Variants in SLIT3 observed in about 807,000 individuals in gnomAD.
SLIT3 encodes the protein slit homolog 3 protein.
Under a neutral mutation model 184.0 loss-of-function variants are expected in SLIT3, and 68 were observed. The ratio of observed to expected loss-of-function variants is 0.37; its 90% CI spans 0.30 to 0.45. The LOEUF is 0.45. Among genes scored for constraint, SLIT3 ranks in the 20% least tolerant of loss-of-function variants. The pLI is 1.00. For synonymous variants in SLIT3, 831 were observed against 828.6 expected (o/e 1.00, Z -0.05); for missense variants, 1,707 against 2,026.0 (o/e 0.84, Z 3.02).
intron 4 of SLIT3, among the ~76,000 whole-genome samples, chr5:169,068,144 CCT>C (rs1758420094): frequency 6.6e-6 from 1 of 152,096 alleles, no homozygotes; most frequent in Admixed American, 6.5e-5. Context: ...GCACTATTCC[CCT>C]CTCAGTTGTA....
intron 1 of SLIT3, among the ~76,000 whole-genome samples, chr5:169,279,887 G>T (rs1766938131): frequency 6.6e-6 from 1 of 152,184 alleles, no homozygotes; most frequent in Non-Finnish European, 1.5e-5. Context: ...TAAGAATTAA[G>T]AAATCACAAA....
chr5:168,831,631 A>G (rs892774854), intron 6 of SLIT3, among the ~76,000 whole-genome samples: 5 of 152,076 alleles, frequency 3.3e-5, no homozygotes, highest in Non-Finnish European at 5.9e-5. Context: ...TTGTCTCAAT[A>G]TTTGTACCCG....
intron 4 of SLIT3, among the ~76,000 whole-genome samples, chr5:169,010,509 C>A (rs1375708639): frequency 2.0e-5 from 3 of 152,104 alleles, no homozygotes; most frequent in Admixed American, 6.6e-5. Flanking sequence ...CTAGATAGAT[C>A]ATGAAACAGA....
chr5:168,865,565 C>T (rs1193276204), intron 5 of SLIT3, among the ~76,000 whole-genome samples: 4 of 152,154 alleles, frequency 2.6e-5, no homozygotes. Context: ...GATTGGTGTT[C>T]GCCAGGATCC....
chr5:169,013,693 G>A (rs569627696), intron 4 of SLIT3, among the ~76,000 whole-genome samples: 5 of 152,170 alleles, frequency 3.3e-5, no homozygotes, highest in Non-Finnish European at 7.3e-5. Context: ...CAGGGCAGCC[G>A]GGGCCCCATG....
chr5:168,844,685 C>T (rs200037173), intron 5 of SLIT3, 30 bp from the exon 6 acceptor site: 2 of 1,611,324 alleles, frequency 1.2e-6, no homozygotes, highest in Admixed American at 1.7e-5. Context: ...AGCATGAAGG[C>T]TGAGCGGGGG....
intron 20 of SLIT3, among the ~76,000 whole-genome samples, chr5:168,731,199 C>A (rs1763279008): frequency 6.6e-6 from 1 of 151,862 alleles, no homozygotes; most frequent in South Asian, 2.1e-4. Flanking sequence ...TGGATAAATT[C>A]CCGGAAGCAT....
At position 169,300,684 on chromosome 5, in the gene SLIT3, C is replaced by T. The variant is rs531139388; in HGVS notation, c.26G>A (p.Gly9Asp). MAPGWAGV[G>D]AAVRARLALA... ...CGCCAGGCGGGCGCGCACGGCGGCG[C>T]CGACCCCTGCCCACCCGGGGGCCAT... is the stretch of plus-strand genomic sequence containing the variant. Residue 9 changes from glycine to aspartate, a missense_variant, in exon 1 of 36, where the codon GGC becomes GAC. This residue lies in a region of SLIT3 where 1,307 missense variants were observed against 1,511.6 expected (regional missense o/e 0.86). Transcript: ENST00000519560. The surrounding 1 kb of genome is among the most constrained non-coding windows in gnomAD (Gnocchi z 4.1). The T allele has an allele frequency of 3.6e-6, 5 of 1,383,286 alleles. No individual in the cohort carries two copies. In the South Asian group the frequency reaches 6.6e-5, roughly 18 times the overall value. 85.7% of individuals were successfully genotyped at this position (1,383,286 alleles called of 1,614,324 possible).
At chr5:168,893,604 G>A (rs1373472670) in intron 4 of SLIT3, among the ~76,000 whole-genome samples, 9 of 152,168 alleles carry the variant, frequency 5.9e-5, no homozygotes, top group South Asian at 2.1e-4. Context: ...TTGGAGAAGC[G>A]TCCTTGTTCC....
At chr5:168,805,877 G>A (rs770251030) in intron 9 of SLIT3, among the ~76,000 whole-genome samples, 2 of 152,182 alleles carry the variant, frequency 1.3e-5, no homozygotes, top group Admixed American at 6.5e-5. Context: ...AGGGCTCCAC[G>A]TGTAGTATTA....
intron 23 of SLIT3, among the ~76,000 whole-genome samples, chr5:168,716,146 T>C (rs1762722853): frequency 6.6e-6 from 1 of 152,166 alleles, no homozygotes; most frequent in South Asian, 2.1e-4. Context: ...TTTTGTATTT[T>C]TTTAAATTTT....
intron 1 of SLIT3, among the ~76,000 whole-genome samples, chr5:169,275,909 C>G (rs924514614): frequency 6.6e-6 from 1 of 151,964 alleles, no homozygotes; most frequent in Non-Finnish European, 1.5e-5. Context: ...GATGGTGGAC[C>G]CTGCAGCAGA....
chr5:168,932,580 TA>T (rs779297341), intron 4 of SLIT3, among the ~76,000 whole-genome samples: 14 of 152,050 alleles, frequency 9.2e-5, no homozygotes, highest in Non-Finnish European at 1.9e-4. Context: ...ATAGTATAGA[TA>T]AGCGACTGCC....
intron 4 of SLIT3, among the ~76,000 whole-genome samples, chr5:169,005,605 A>T (rs971720630): frequency 3.9e-5 from 6 of 152,230 alleles, no homozygotes; most frequent in Admixed American, 6.5e-5. Flanking sequence ...GACACTCATG[A>T]TATTACCAGT....
At chr5:169,137,335 C>CACACAGAGAGAGAGAGAGAG (rs368371904) in intron 4 of SLIT3, among the ~76,000 whole-genome samples, 1 of 138,552 alleles carries the variant, frequency 7.2e-6, no homozygotes, top group African/African-American at 2.8e-5. Flanking sequence ...CACACACACA[C>CACACAGAGAGAGAGAGAGAG]AGAGAGAGAG....
intron 4 of SLIT3, among the ~76,000 whole-genome samples, chr5:169,160,428 T>A (rs994406390): frequency 6.6e-6 from 1 of 152,240 alleles, no homozygotes; most frequent in African/African-American, 2.4e-5. Context: ...AAAAGAGACG[T>A]GTCCATTCCT....
chr5:168,721,304 G>C (rs1762933661), intron 23 of SLIT3, among the ~76,000 whole-genome samples: 2 of 152,162 alleles, frequency 1.3e-5, no homozygotes, highest in African/African-American at 4.8e-5. Flanking sequence ...CCCAGGATTG[G>C]GGGTGGTGGT....
chr5:169,162,018 C>G (rs968538421), intron 4 of SLIT3, among the ~76,000 whole-genome samples: 2 of 152,318 alleles, frequency 1.3e-5, no homozygotes, highest in Non-Finnish European at 2.9e-5. Flanking sequence ...TCTGTATTTG[C>G]TAAAGAAATA....
intron 4 of SLIT3, among the ~76,000 whole-genome samples, chr5:169,133,853 G>GT (rs1554101029): frequency 1.3e-5 from 2 of 152,186 alleles, no homozygotes; most frequent in Non-Finnish European, 2.9e-5. Flanking sequence ...ATAATTAAAC[G>GT]TCAGATGTAC....
Sources: gnomAD v4.1 joint callset for allele counts (sites outside exome capture counted in the v4.1 genomes callset) on GRCh38, gnomAD v4.1.1 for gene constraint, gnomAD v4.1.1 regional missense constraint, Gnocchi (gnomAD v3.1) non-coding constraint, MANE v1.5 for transcripts, NCBI Gene and HGNC (gene_info 2026-07-23, HGNC 2026-07-21) for gene names.